Variants in MPI observed in about 807,000 individuals in gnomAD.
MPI encodes mannose-6-phosphate isomerase.
A neutral mutation model predicts 40.1 loss-of-function variants in MPI; 33 were observed. The ratio of observed to expected loss-of-function variants is 0.82; its 90% CI spans 0.62 to 1.10. The LOEUF is 1.10. Among genes scored for constraint, MPI ranks in the 50% least tolerant of loss-of-function variants. The pLI, the probability that MPI is intolerant of heterozygous loss-of-function variation, is 0.00. For missense variants in MPI, 514 were observed against 524.1 expected (o/e 0.98, Z 0.19); for synonymous variants, 187 against 207.4 (o/e 0.90, Z 0.85).
intron 7 of MPI, 26 bp downstream of exon 7, chr15:74,897,245 C>T: frequency 6.2e-7 from 1 of 1,608,374 alleles, no homozygotes; most frequent in Non-Finnish European, 8.5e-7. Flanking sequence ...TGATGGGTGT[C>T]CTTCGTGTGC....
Position 74,891,596 on chromosome 15 carries a change from G to A in MPI, c.345+17G>A, listed in dbSNP as rs1228834968. On this transcript the variant is annotated intron_variant, in intron 3 of 7. Transcript: ENST00000352410. The stretch of plus-strand genomic sequence containing the variant: ...CCTAACAAGGTAAAGGACAGAGTGC[G>A]GTGCAGAGGTCAGGGTACAGAAGGG... The A allele has an allele frequency of 5.0e-6, 8 of 1,612,358 alleles. No homozygotes were observed. In the East Asian group the frequency reaches 6.7e-5, roughly 13 times the overall value.
rs928674759 is a variant in MPI at position 74,901,398 on chromosome 15, G to A, written c.*3668G>A. 21 of 152,140 alleles carry A rather than the reference G, an allele frequency of 1.4e-4. No homozygotes were observed. The highest frequency in any genetic ancestry group is 4.6e-4 in the African/African-American group (19 of 41,428). 9.4% of individuals were successfully genotyped at this position (152,140 alleles called of 1,614,324 possible). A position where few individuals can be genotyped will look rare whatever the true frequency, so the allele number is the denominator to read the frequency against. On this transcript the variant is annotated 3_prime_UTR_variant, in exon 8 of 8. Coordinates refer to ENST00000352410, the MANE Select transcript of MPI (RefSeq NM_002435.3). ...ATACTCTCCAATTTGTGGGTAGGGG[G>A]TGTCACAGCAGAAATTATGCCTATT...
intron 1 of MPI, 67 bp from the exon 2 acceptor site, chr15:74,890,460 G>A (rs2064707272): frequency 9.3e-6 from 15 of 1,609,592 alleles, no homozygotes; most frequent in Non-Finnish European, 1.3e-5. Context: ...GCTCTTGCCT[G>A]GTTTCCCGGG....
chr15:74,897,074 T>A lies in MPI; in HGVS notation c.908T>A (p.Ile303Asn). The change falls in exon 7 of 8, where the codon ATT becomes AAT. Residue 303 changes from isoleucine (I) to asparagine (N), a missense_variant. Coordinates refer to ENST00000352410, the MANE Select transcript of MPI (RefSeq NM_002435.3). ...CGTGCTGGCCTGACACCCAAGTTCATTGATGTGCCAACCCTGTGTGAAATG... is the reference window on the plus strand; with the variant it reads ...CGTGCTGGCCTGACACCCAAGTTCAATGATGTGCCAACCCTGTGTGAAATG... ...TVRAGLTPKF[I>N]DVPTLCEMLS... 6.2e-7 allele frequency: 1 copy of A among 1,614,150 alleles called. No homozygotes were observed. Among genetic ancestry groups the A allele is most frequent in the Non-Finnish European group, 8.5e-7 (1 of 1,180,026 alleles).
At chr15:74,896,597 G>A (rs930798937) in intron 6 of MPI, 6 of 637,392 alleles carry the variant, frequency 9.4e-6, no homozygotes, top group Admixed American at 4.9e-5. Flanking sequence ...CAATTTGAAC[G>A]CAGGCTATAT....
At chr15:74,894,648 A>G (rs2064790127) in intron 5 of MPI, among the ~76,000 whole-genome samples, 1 of 148,096 alleles carries the variant, frequency 6.8e-6, no homozygotes, top group African/African-American at 2.5e-5. Context: ...AATGCTGGGC[A>G]TGGTGGTGTG....
At chr15:74,890,331 A>T in intron 1 of MPI, 196 bp from the exon 2 acceptor site, 1 of 863,042 alleles carries the variant, frequency 1.2e-6, no homozygotes, top group Non-Finnish European at 1.8e-6. Context: ...TCAGATCAGC[A>T]CAAGGTCCTT....
Position 74,897,942 on chromosome 15 carries a change from G to T in MPI, c.*212G>T, listed in dbSNP as rs2064847622. ...TGGGGAGGAGAGGCCCGTGTGAGGGGTCTGATACTCCCTTTGTCTTCCCTC... is the reference window on the plus strand; with the variant it reads ...TGGGGAGGAGAGGCCCGTGTGAGGGTTCTGATACTCCCTTTGTCTTCCCTC... On this transcript the variant is annotated 3_prime_UTR_variant, in exon 8 of 8. Transcript: ENST00000352410. 1.4e-5 allele frequency: 9 copies of T among 631,866 alleles called. No homozygotes were observed. In the South Asian group the frequency reaches 1.5e-4, roughly 11 times the overall value. The allele number at this position is 631,866 out of a possible 1,614,324, so 39.1% of individuals were successfully genotyped here.
chr15:74,890,932 T>C (rs2064716673), intron 2 of MPI: 1 of 593,414 alleles, frequency 1.7e-6, no homozygotes, highest in South Asian at 1.6e-5. Context: ...ACTTTGACTA[T>C]TTTTTTGCAT....
Position 74,900,648 on chromosome 15 carries a change from G to A in MPI, c.*2918G>A, listed in dbSNP as rs2064916186. 6.6e-6 allele frequency: 1 copy of A among 152,246 alleles called. No individual in the cohort carries two copies. The highest frequency in any genetic ancestry group is 2.4e-5 in the African/African-American group (1 of 41,430). The allele number at this position is 152,246 out of a possible 1,614,324, so 9.4% of individuals were successfully genotyped here. A position where few individuals can be genotyped will look rare whatever the true frequency, so the allele number is the denominator to read the frequency against. ...ACATGGTCTCTGCAGATGGGGAAGGGGTTCTGGATGGAGATGTTCTTGAGC... is the reference window on the plus strand; with the variant it reads ...ACATGGTCTCTGCAGATGGGGAAGGAGTTCTGGATGGAGATGTTCTTGAGC... On this transcript the variant is annotated 3_prime_UTR_variant, in exon 8 of 8. Coordinates refer to ENST00000352410, the MANE Select transcript of MPI (RefSeq NM_002435.3).
At chr15:74,894,623 CAAA>C (rs199794406) in intron 5 of MPI, among the ~76,000 whole-genome samples, 1 of 126,830 alleles carries the variant, frequency 7.9e-6, no homozygotes. Flanking sequence ...GACTCTGTCT[CAAA>C]AAAAAAAAAA....
intron 5 of MPI, among the ~76,000 whole-genome samples, chr15:74,894,015 ACC>A (rs1194904272): frequency 8.1e-6 from 1 of 124,148 alleles, no homozygotes; most frequent in Non-Finnish European, 1.8e-5. Flanking sequence ...TATTTATTTG[ACC>A]CAAGCATATT....
At position 74,896,266 on chromosome 15, in the gene MPI, T is replaced by C. The variant is rs1398918834; in HGVS notation, c.785T>C (p.Leu262Pro). 6.2e-7 allele frequency: 1 copy of C among 1,614,188 alleles called. No homozygotes were observed. The change falls in exon 6 of 8, where the codon CTG (leucine) becomes CCG (proline). Residue 262 changes from leucine (L) to proline (P), a missense_variant. Transcript: ENST00000352410. ...FAIYFLNLLT[L>P]KPGEAMFLEA... ...ATCTACTTCCTGAACCTGCTTACCC[T>C]GAAGCCTGGGGAGGCCATGTTTCTG... is the stretch of plus-strand genomic sequence containing the variant.
chr15:74,893,433 G>T, intron 5 of MPI, 113 bp downstream of exon 5: 1 of 1,259,972 alleles, frequency 7.9e-7, no homozygotes, highest in East Asian at 2.4e-5. Context: ...ACACTAAAAG[G>T]GGCCCCACTT....
intron 3 of MPI, among the ~76,000 whole-genome samples, chr15:74,892,321 A>C (rs2064739255): frequency 6.6e-6 from 1 of 152,210 alleles, no homozygotes; most frequent in African/African-American, 2.4e-5. Flanking sequence ...TACACAAAGT[A>C]AGACCCAGAG....
chr15:74,897,303 G>A, intron 7 of MPI, 84 bp downstream of exon 7: 1 of 1,528,814 alleles, frequency 6.5e-7, no homozygotes. Context: ...ACCTGGGGCT[G>A]GGTTTCCTGT....
Position 74,890,091 on chromosome 15 carries a change from T to G in MPI, c.16+2T>G. 6.2e-7 allele frequency: 1 copy of G among 1,608,264 alleles called. No individual in the cohort carries two copies. Among genetic ancestry groups the G allele is most frequent in the Non-Finnish European group, 8.5e-7 (1 of 1,179,946 alleles). On this transcript the variant is annotated splice_donor_variant, in intron 1 of 7. Coordinates refer to ENST00000352410, the MANE Select transcript of MPI (RefSeq NM_002435.3). LOFTEE classifies it high-confidence loss of function. ...GGGCGAGCATGGCCGCTCCGCGAGG[T>G]GAGCCATTGGCTGGGGTGTCGGCGA...
Position 74,900,389 on chromosome 15 carries a change from A to T in MPI, c.*2659A>T, listed in dbSNP as rs2064904573. 6.6e-6 allele frequency: 1 copy of T among 152,232 alleles called. No homozygotes were observed. Among genetic ancestry groups the T allele is most frequent in the African/African-American group, 2.4e-5 (1 of 41,434 alleles). The allele number at this position is 152,232 out of a possible 1,614,324, so 9.4% of individuals were successfully genotyped here. Reference sequence around the variant, plus strand: ...GCTGATTATTACAACAACGATGCAGAGGGCCTTGGTTTTGGGGTCCTGCCA... The same window carrying T: ...GCTGATTATTACAACAACGATGCAGTGGGCCTTGGTTTTGGGGTCCTGCCA... On this transcript the variant is annotated 3_prime_UTR_variant, in exon 8 of 8. Transcript: ENST00000352410.
chr15:74,891,666 C>G, intron 3 of MPI, 87 bp downstream of exon 3: 2 of 1,447,874 alleles, frequency 1.4e-6, no homozygotes, highest in Non-Finnish European at 1.9e-6. Context: ...ACTTTTACCC[C>G]ACCCATGCCA....
Sources: allele counts gnomAD v4.1 joint callset (sites outside exome capture counted in the v4.1 genomes callset), GRCh38; gene constraint gnomAD v4.1.1; transcripts MANE v1.5; gene names NCBI Gene and HGNC (gene_info 2026-07-23, HGNC 2026-07-21).